The following SLC30A10 variants were observed in gnomAD, a reference collection of about 807,000 sequenced individuals.
The protein encoded by SLC30A10 is solute carrier family 30 member 10.
In SLC30A10, 8 loss-of-function variants were observed where a neutral mutation model predicts 21.7. The observed-to-expected ratio is 0.37, with a 90% CI of 0.22 to 0.67. The LOEUF (loss-of-function observed/expected upper bound fraction) is 0.67, where lower values mean the gene tolerates loss of function less well. SLC30A10 is among the 30% of genes least tolerant of loss of function. The pLI is 0.58. For synonymous variants in SLC30A10, 272 were observed against 279.4 expected, an observed-to-expected ratio of 0.97 and a Z score of 0.26; for missense variants, 521 against 642.5, an observed-to-expected ratio of 0.81 and a Z score of 2.04.
At chr1:219,928,590 A>ACC, upstream of SLC30A10, 1 of 355,768 alleles carries the variant, frequency 2.8e-6, no homozygotes, top group East Asian at 8.3e-5. This position sits in a 1 kb window ranked among gnomAD's most constrained non-coding sequence, Gnocchi z 6.3. Flanking sequence ...GCTTTTTATA[A>ACC]CGCGAGGCCG....
chr1:219,923,195 T>C (rs2102530613), intron 2 of SLC30A10, among the ~76,000 whole-genome samples: 1 of 152,256 alleles, frequency 6.6e-6, no homozygotes. Context: ...CATCTATGAT[T>C]CAGAAAGATA....
chr1:219,927,776 T>C (rs1395594984), intron 1 of SLC30A10, 25 bp downstream of exon 1: 2 of 1,517,038 alleles, frequency 1.3e-6, no homozygotes, highest in East Asian at 2.7e-5. Flanking sequence ...GGCCAAGCGG[T>C]CCAAAGGATG....
At chr1:219,944,810 T>C (rs1267236190) in intron 1 of SLC30A10, among the ~76,000 whole-genome samples, 1 of 151,638 alleles carries the variant, frequency 6.6e-6, no homozygotes, top group Non-Finnish European at 1.5e-5. Context: ...AAACGGAAAA[T>C]AGAGAAATAA....
rs537333320 is a variant in SLC30A10, at chr1:219,911,238, T to C, written c.*4211A>G. On this transcript the variant is annotated 3_prime_UTR_variant, in exon 4 of 4. Coordinates refer to ENST00000366926, the MANE Select transcript of SLC30A10 (RefSeq NM_018713.3). ...AATAGAATACTTTAAAATCAGGAAA[T>C]GTATTTTGCTCTCTTGAAGAAAATA... Among the ~76,000 whole-genome samples the C allele has an allele frequency of 1.9e-3, 267 of 139,774 alleles. 1 individual carries two copies. Among genetic ancestry groups the C allele is most frequent in the African/African-American group, 6.8e-3 (260 of 38,148 alleles). The allele number at this position is 139,774 out of a possible 152,430, so 91.7% of individuals were successfully genotyped here. A position where few individuals can be genotyped will look rare whatever the true frequency, so the allele number is the denominator to read the frequency against.
At chr1:219,951,347 G>A (rs532024496) in intron 1 of SLC30A10, among the ~76,000 whole-genome samples, 2 of 152,170 alleles carry the variant, frequency 1.3e-5, no homozygotes, top group Admixed American at 6.5e-5. Context: ...AGAACCAGTG[G>A]ATGAGGGAGG....
intron 1 of SLC30A10, among the ~76,000 whole-genome samples, chr1:219,936,072 T>A (rs1053739065): frequency 6.6e-6 from 1 of 152,180 alleles, no homozygotes; most frequent in African/African-American, 2.4e-5. Context: ...GGAGACACTA[T>A]TACTATCACA....
chr1:219,911,148 A>AGTTTTTTTTTTG lies in SLC30A10; in HGVS notation c.*4300_*4301insCAAAAAAAAAAC, dbSNP rs59876760. Among the ~76,000 whole-genome samples the AGTTTTTTTTTTG allele has an allele frequency of 2.6e-5, 1 of 38,592 alleles. No individual in the cohort carries two copies. Among genetic ancestry groups the AGTTTTTTTTTTG allele is most frequent in the East Asian group, 7.7e-4 (1 of 1,304 alleles). 25.3% of individuals were successfully genotyped at this position (38,592 alleles called of 152,430 possible). On this transcript the variant is annotated 3_prime_UTR_variant, in exon 4 of 4. Coordinates refer to ENST00000366926, the MANE Select transcript of SLC30A10 (RefSeq NM_018713.3). ...CATGTTTCTTCATTTTTTCTACATC[A>AGTTTTTTTTTTG]GTTTTTTTTTTTTTTTTTTTTTTTT...
chr1:219,951,217 T>C (rs961568610), intron 1 of SLC30A10, among the ~76,000 whole-genome samples: 1 of 151,872 alleles, frequency 6.6e-6, no homozygotes, highest in African/African-American at 2.4e-5. Flanking sequence ...CACTTCAGCC[T>C]CCCAAAGTGC....
intron 2 of SLC30A10, among the ~76,000 whole-genome samples, chr1:219,919,238 T>C (rs1269718524): frequency 6.6e-6 from 1 of 152,196 alleles, no homozygotes; most frequent in African/African-American, 2.4e-5. Context: ...AAAGACTAAA[T>C]TGGGATTCAG....
At chr1:219,935,323 C>T (rs902822967) in intron 1 of SLC30A10, among the ~76,000 whole-genome samples, 1 of 152,182 alleles carries the variant, frequency 6.6e-6, no homozygotes, top group African/African-American at 2.4e-5. Flanking sequence ...TGCTAGATTT[C>T]GCCTTAATTT....
intron 1 of SLC30A10, among the ~76,000 whole-genome samples, chr1:219,948,934 A>C (rs9430905): frequency 0.15 from 22,697 of 152,158 alleles, 2,096 homozygotes; most frequent in Middle Eastern, 0.23. Flanking sequence ...CAACCCCATC[A>C]AAAAGTGGGC....
intron 1 of SLC30A10, among the ~76,000 whole-genome samples, chr1:219,952,422 C>A (rs1000770298): frequency 6.6e-6 from 1 of 152,218 alleles, no homozygotes. Context: ...TTTTAATATG[C>A]CCTTTTGTGA....
intron 1 of SLC30A10, among the ~76,000 whole-genome samples, chr1:219,952,868 T>C (rs748988058): frequency 2.0e-5 from 3 of 152,234 alleles, no homozygotes; most frequent in Admixed American, 6.5e-5. Context: ...GTTTCACAAA[T>C]GTGAAATAGC....
At chr1:219,951,798 C>G (rs1252024982) in intron 1 of SLC30A10, among the ~76,000 whole-genome samples, 1 of 151,926 alleles carries the variant, frequency 6.6e-6, no homozygotes, top group Non-Finnish European at 1.5e-5. Flanking sequence ...TAATGGCATG[C>G]TATCATAGCT....
At chr1:219,943,969 G>C (rs545930239) in intron 1 of SLC30A10, among the ~76,000 whole-genome samples, 1 of 151,624 alleles carries the variant, frequency 6.6e-6, no homozygotes, top group Non-Finnish European at 1.5e-5. Context: ...GCATGGTGGT[G>C]GGCACCTGTA....
upstream of SLC30A10, among the ~76,000 whole-genome samples, chr1:219,930,422 G>C (rs894786731): frequency 6.6e-6 from 1 of 152,182 alleles, no homozygotes; most frequent in Non-Finnish European, 1.5e-5. Context: ...GCAGTGAGTC[G>C]TGGTGGTGCC....
chr1:219,925,651 A>ATATATTTTTT lies in SLC30A10; in HGVS notation c.718+1376_718+1377insAAAAAATATA, dbSNP rs1317554458. 2.1e-4 allele frequency among the ~76,000 whole-genome samples: 10 copies of ATATATTTTTT among 48,282 alleles called. 1 individual carries two copies. The highest frequency in any genetic ancestry group is 1.1e-3 in the African/African-American group (9 of 8,546). 31.7% of individuals were successfully genotyped at this position (48,282 alleles called of 152,430 possible). A position where few individuals can be genotyped will look rare whatever the true frequency, so the allele number is the denominator to read the frequency against. On this transcript the variant is annotated intron_variant, in intron 2 of 3. Transcript: ENST00000366926. ...TGTGTACATATATATATATATATAT[A>ATATATTTTTT]TTTTTTTTTTTTTTTTTTTTTTGAG...
intron 3 of SLC30A10, among the ~76,000 whole-genome samples, chr1:219,916,648 G>A (rs1293316896): frequency 6.6e-6 from 1 of 152,034 alleles, no homozygotes; most frequent in African/African-American, 2.4e-5. Context: ...TCTCATTTAG[G>A]CTCCTCTGTA....
upstream of SLC30A10, among the ~76,000 whole-genome samples, chr1:219,929,524 T>TCTTTTTTTTTTTTGAGA (rs1659932887): frequency 1.5e-5 from 2 of 131,226 alleles, no homozygotes; most frequent in African/African-American, 5.6e-5. Context: ...AAATAAAGAC[T>TCTTTTTTTTTTTTGAGA]CTTTTTTTTT....
Sources: gnomAD v4.1 joint callset for allele counts (sites outside exome capture counted in the v4.1 genomes callset) on GRCh38, gnomAD v4.1.1 for gene constraint, Gnocchi (gnomAD v3.1) non-coding constraint, MANE v1.5 for transcripts, NCBI Gene and HGNC (gene_info 2026-07-23, HGNC 2026-07-21) for gene names.